Variants in PTPRN2 observed in about 807,000 individuals in gnomAD.
The protein encoded by PTPRN2 is receptor-type tyrosine-protein phosphatase N2.
A neutral mutation model predicts 118.8 loss-of-function variants in PTPRN2; 74 were observed. The ratio of observed to expected loss-of-function variants is 0.62; its 90% CI spans 0.52 to 0.76. The LOEUF (loss-of-function observed/expected upper bound fraction) is 0.76. Among genes scored for constraint, PTPRN2 ranks in the 30% least tolerant of loss-of-function variants. The pLI is 0.00. For missense variants in PTPRN2, 1,481 were observed against 1,394.4 expected, an observed-to-expected ratio of 1.06 and a Z score of -0.99; for synonymous variants, 641 against 608.0, an observed-to-expected ratio of 1.05 and a Z score of -0.80.
chr7:158,043,072 C>T (rs774164643), intron 11 of PTPRN2, among the ~76,000 whole-genome samples: 2 of 152,004 alleles, frequency 1.3e-5, no homozygotes. Context: ...TCCTGATGGG[C>T]GTGGTGGCCA....
At chr7:158,435,656 A>G (rs567473193) in intron 2 of PTPRN2, among the ~76,000 whole-genome samples, 1 of 152,348 alleles carries the variant, frequency 6.6e-6, no homozygotes, top group African/African-American at 2.4e-5. Context: ...GCAATATCCA[A>G]GATGTGGCCA....
At chr7:158,050,473 C>A (rs1407020720) in intron 11 of PTPRN2, among the ~76,000 whole-genome samples, 1 of 152,228 alleles carries the variant, frequency 6.6e-6, no homozygotes, top group African/African-American at 2.4e-5. Flanking sequence ...CCTCTGGAAA[C>A]TCCTCCTGCT....
intron 3 of PTPRN2, among the ~76,000 whole-genome samples, chr7:158,300,030 T>C (rs189709085): frequency 5.7e-4 from 87 of 152,318 alleles, no homozygotes; most frequent in South Asian, 2.5e-3. Flanking sequence ...AAACACATTT[T>C]TCCCACTGTC....
chr7:158,112,628 G>A (rs1258047479), intron 9 of PTPRN2, among the ~76,000 whole-genome samples: 1 of 152,222 alleles, frequency 6.6e-6, no homozygotes, highest in Non-Finnish European at 1.5e-5. Context: ...ACAGAGTCAG[G>A]AGTTTACATC....
At chr7:158,470,355 C>T (rs1394519646) in intron 2 of PTPRN2, among the ~76,000 whole-genome samples, 1 of 152,172 alleles carries the variant, frequency 6.6e-6, no homozygotes, top group African/African-American at 2.4e-5. Flanking sequence ...TGCATCTTTC[C>T]AGAATCTCAA....
rs767028787 is a variant in PTPRN2 at position 158,167,139 on chromosome 7, G to C, written c.702C>G (p.Asp234Glu). Reference protein sequence around the residue: ...LQPDELSPKVDSGVDRHHLMA... With the variant: ...LQPDELSPKVESGVDRHHLMA... ...TCAGATGGTGTCTGTCCACACCACT[G>C]TCCACCTTAGGGCTGAGCTCATCTG... Residue 234 changes from aspartate to glutamate, a missense_variant, in exon 6 of 23, where the codon GAC becomes GAG. By Grantham distance (45) the Asp-to-Glu change is conservative. Coordinates refer to ENST00000389418, the MANE Select transcript of PTPRN2 (RefSeq NM_002847.5). 1.2e-6 allele frequency: 2 copies of C among 1,613,874 alleles called. No individual in the cohort carries two copies. The highest frequency in any genetic ancestry group is 1.7e-5 in the Admixed American group (1 of 59,992).
At chr7:158,528,130 T>C (rs896095041) in intron 1 of PTPRN2, among the ~76,000 whole-genome samples, 3 of 152,214 alleles carry the variant, frequency 2.0e-5, no homozygotes, top group African/African-American at 7.2e-5. Flanking sequence ...GTGAAGCTGC[T>C]AGCAACTGGC....
intron 20 of PTPRN2, among the ~76,000 whole-genome samples, chr7:157,570,968 C>T (rs549063821): frequency 3.0e-4 from 46 of 152,230 alleles, no homozygotes; most frequent in African/African-American, 9.6e-4. Context: ...TGTGAGGCCT[C>T]GCGCGGTGGC....
chr7:157,927,910 A>T (rs1799120142), intron 11 of PTPRN2, among the ~76,000 whole-genome samples: 1 of 152,094 alleles, frequency 6.6e-6, no homozygotes, highest in Non-Finnish European at 1.5e-5. Context: ...CAATTCATGA[A>T]GAAGAGAGGT....
rs146521888 is a variant in PTPRN2, at chr7:158,527,981, C to T, written c.113-38196G>A. Among the ~76,000 whole-genome samples the T allele has an allele frequency of 2.7e-3, 408 of 152,290 alleles. 3 individuals are homozygous for T. The highest frequency in any genetic ancestry group is 9.3e-3 in the African/African-American group (386 of 41,548). On this transcript the variant is annotated intron_variant, in intron 1 of 22. Coordinates refer to ENST00000389418, the MANE Select transcript of PTPRN2 (RefSeq NM_002847.5). ...TTGGTTTAAAGCCCATCTCTGATCC[C>T]GCCCGACACACAGCAGGGACTCAGC...
intron 9 of PTPRN2, among the ~76,000 whole-genome samples, chr7:158,128,620 C>A (rs556398019): frequency 6.6e-6 from 1 of 152,168 alleles, no homozygotes; most frequent in African/African-American, 2.4e-5. Context: ...AGACAGGGGC[C>A]CTCCTGTCCT....
chr7:157,956,335 G>A (rs1801186089), intron 11 of PTPRN2, among the ~76,000 whole-genome samples: 1 of 152,146 alleles, frequency 6.6e-6, no homozygotes, highest in African/African-American at 2.4e-5. Context: ...CCACATCTGG[G>A]TTCATTTGGT....
chr7:157,985,985 T>C (rs1179921292), intron 11 of PTPRN2, among the ~76,000 whole-genome samples: 2 of 152,146 alleles, frequency 1.3e-5, no homozygotes, highest in African/African-American at 4.8e-5. Context: ...TGCCACCGCA[T>C]GTGAAATGCT....
rs1799471112 is a variant in PTPRN2 at position 158,282,178 on chromosome 7, C to CG, written c.277+34640_277+34641insC. 4.9e-5 allele frequency among the ~76,000 whole-genome samples: 7 copies of CG among 142,120 alleles called. No homozygotes were observed. The South Asian group carries it at 1.6e-3, about 32-fold the overall frequency. 93.2% of individuals were successfully genotyped at this position (142,120 alleles called of 152,430 possible). On this transcript the variant is annotated intron_variant, in intron 3 of 22. Coordinates refer to ENST00000389418, the MANE Select transcript of PTPRN2 (RefSeq NM_002847.5). ...CCAACTGTCTCAGGAGTGGCTCTGC[C>CG]TTTTTTTTTTTTTTTCCTTTCTATT...
At chr7:157,663,227 C>T (rs914653026) in intron 13 of PTPRN2, among the ~76,000 whole-genome samples, 5 of 152,054 alleles carry the variant, frequency 3.3e-5, no homozygotes, top group African/African-American at 7.2e-5. Context: ...GCACCAGGCC[C>T]GCGAGGAGGT....
intron 12 of PTPRN2, among the ~76,000 whole-genome samples, chr7:157,746,130 T>C (rs1251064459): frequency 1.5e-5 from 2 of 136,564 alleles, no homozygotes; most frequent in Admixed American, 7.4e-5. Flanking sequence ...ATGGAGATCA[T>C]GGGCCTCCCT....
chr7:158,211,703 A>T (rs1827615275), intron 3 of PTPRN2, among the ~76,000 whole-genome samples: 1 of 152,234 alleles, frequency 6.6e-6, no homozygotes, highest in South Asian at 2.1e-4. Context: ...TTTGTCCAAA[A>T]GACAGGCAAT....
At chr7:157,614,167 G>A (rs1802602889) in intron 15 of PTPRN2, 3 of 458,720 alleles carry the variant, frequency 6.5e-6, no homozygotes, top group South Asian at 4.8e-5. Context: ...GAGGACAGGG[G>A]AGGGCCAGGG....
chr7:157,610,614 GC>G lies in PTPRN2; in HGVS notation c.2345-6540del, dbSNP rs1802272659. ...CCGTCAGTGCTGCTTAGGGATCCCA[GC>G]GGCTCACACACAGAAAGGCCTTTGA... is the stretch of plus-strand genomic sequence containing the variant. On this transcript the variant is annotated intron_variant, in intron 15 of 22. Transcript: ENST00000389418. The surrounding 1 kb of genome is among the most constrained non-coding windows in gnomAD (Gnocchi z 5.1). 2.0e-5 allele frequency among the ~76,000 whole-genome samples: 3 copies of G among 152,318 alleles called. No homozygotes were observed. The South Asian group carries it at 6.2e-4, about 32-fold the overall frequency.
Sources: gnomAD v4.1 joint callset for allele counts (sites outside exome capture counted in the v4.1 genomes callset) on GRCh38, gnomAD v4.1.1 for gene constraint, Gnocchi (gnomAD v3.1) non-coding constraint, MANE v1.5 for transcripts, NCBI Gene and HGNC (gene_info 2026-07-23, HGNC 2026-07-21) for gene names.